Variants in NMU observed in about 807,000 individuals in gnomAD.
NMU encodes the protein neuromedin U, also known as neuromedin-U.
In NMU, 29 loss-of-function variants were observed where a neutral mutation model predicts 35.4. The ratio of observed to expected loss-of-function variants is 0.82; its 90% confidence interval spans 0.61 to 1.12. NMU has a LOEUF of 1.12. NMU is among the 50% of genes most tolerant of loss of function. The pLI, the probability that NMU is intolerant of heterozygous loss-of-function variation, is 0.00. For synonymous variants in NMU, 78 were observed against 81.3 expected (o/e 0.96, Z 0.22); for missense variants, 199 against 206.2 (o/e 0.97, Z 0.21).
At chr4:55,597,446 G>C (rs933847248) in intron 9 of NMU, among the ~76,000 whole-genome samples, 8 of 151,736 alleles carry the variant, frequency 5.3e-5, no homozygotes, top group African/African-American at 1.9e-4. Context: ...TTGGCTCACT[G>C]CAACCTCTCC....
At position 55,636,178 on chromosome 4, in the gene NMU, C is replaced by G; in HGVS notation, c.15G>C (p.Glu5Asp). Residue 5 changes from glutamate to aspartate, a missense_variant, in exon 1 of 10, where the codon GAG (glutamate) becomes GAC (aspartate). Glu to Asp is a conservative substitution (Grantham distance 45, BLOSUM62 2). Transcript: ENST00000264218. The surrounding 1 kb of genome is among the most constrained non-coding windows in gnomAD (Gnocchi z 4.0). MLRT[E>D]SCRPRSPAGQ... is the part of the protein sequence containing the mutation. Reference sequence around the variant, plus strand: ...CGGCGGGCGACCTGGGGCGGCAGCTCTCTGTTCGCAGCATCTCGGCGGCTG... The same window carrying G: ...CGGCGGGCGACCTGGGGCGGCAGCTGTCTGTTCGCAGCATCTCGGCGGCTG... 2 of 1,506,058 alleles carry G rather than the reference C, an allele frequency of 1.3e-6. No individual in the cohort carries two copies. Among genetic ancestry groups the G allele is most frequent in the Non-Finnish European group, 1.8e-6 (2 of 1,135,114 alleles). 93.3% of individuals were successfully genotyped at this position (1,506,058 alleles called of 1,614,324 possible). A position where few individuals can be genotyped will look rare whatever the true frequency, so the allele number is the denominator to read the frequency against.
intron 1 of NMU, among the ~76,000 whole-genome samples, chr4:55,632,217 G>A (rs1228621073): frequency 1.3e-5 from 2 of 152,110 alleles, no homozygotes; most frequent in African/African-American, 2.4e-5. Flanking sequence ...TACACCACTC[G>A]GATGATGGGT....
chr4:55,630,336 AT>A lies in NMU; in HGVS notation c.171+65del, dbSNP rs1230942960. 2.5e-5 allele frequency: 29 copies of A among 1,176,578 alleles called. No homozygotes were observed. In the Admixed American group the frequency reaches 3.5e-4, roughly 14 times the overall value. 72.9% of individuals were successfully genotyped at this position (1,176,578 alleles called of 1,614,324 possible). A position where few individuals can be genotyped will look rare whatever the true frequency, so the allele number is the denominator to read the frequency against. The stretch of plus-strand genomic sequence containing the variant: ...TAGTTCTCCCAAAGCTCAATTATAC[AT>A]TTTAACATGATAATTTCAAAGAAGG... On this transcript the variant is annotated intron_variant, in intron 2 of 9. Transcript: ENST00000264218.
At chr4:55,618,341 G>GT (rs1734191903) in intron 2 of NMU, among the ~76,000 whole-genome samples, 2 of 152,150 alleles carry the variant, frequency 1.3e-5, no homozygotes, top group Admixed American at 1.3e-4. Context: ...CATGCATTAG[G>GT]TATTTGTCTT....
chr4:55,609,755 C>T (rs780158091), intron 3 of NMU, among the ~76,000 whole-genome samples: 6 of 152,164 alleles, frequency 3.9e-5, no homozygotes, highest in Non-Finnish European at 7.3e-5. Context: ...AGAAGTAGGG[C>T]AGGGCTCTGT....
At chr4:55,630,768 CAG>C (rs1734722101) in intron 1 of NMU, among the ~76,000 whole-genome samples, 1 of 152,062 alleles carries the variant, frequency 6.6e-6, no homozygotes, top group Admixed American at 6.5e-5. Context: ...AAGCAATCTA[CAG>C]ATTCAATGCA....
At chr4:55,615,592 G>T (rs890298686) in intron 3 of NMU, among the ~76,000 whole-genome samples, 1 of 152,158 alleles carries the variant, frequency 6.6e-6, no homozygotes, top group Non-Finnish European at 1.5e-5. Flanking sequence ...TAGGATATTT[G>T]TCCCCAAATA....
chr4:55,627,422 G>A (rs1419044776), intron 2 of NMU, among the ~76,000 whole-genome samples: 1 of 151,056 alleles, frequency 6.6e-6, no homozygotes, highest in Non-Finnish European at 1.5e-5. Flanking sequence ...AAATGAAATT[G>A]TTTGGGATTG....
At chr4:55,632,388 C>G (rs1381823234) in intron 1 of NMU, among the ~76,000 whole-genome samples, 3 of 152,040 alleles carry the variant, frequency 2.0e-5, no homozygotes, top group Non-Finnish European at 4.4e-5. Context: ...TGACAGTAAT[C>G]AACTACATTT....
In NMU at chr4:55,616,377, A is replaced by G. The variant is rs765407000; in HGVS notation, c.180T>C (p.Asp60=). Residue 60 remains aspartate, a synonymous_variant, in exon 3 of 10, where the codon GAT becomes GAC. Coordinates refer to ENST00000264218, the MANE Select transcript of NMU (RefSeq NM_006681.4). ...QQLQLWNEID[D]TCSSFLSIDS... is the part of the protein sequence containing the mutation. ...CAATGGACAGAAAAGACGAACAAGT[A>G]TCATCTATCTGTAGAAAACAAAAAT... 3 of 1,611,414 alleles carry G rather than the reference A, an allele frequency of 1.9e-6. No homozygotes were observed. The African/African-American group carries it at 4.0e-5, about 22-fold the overall frequency.
chr4:55,603,116 GC>G (rs1163075595), intron 7 of NMU, among the ~76,000 whole-genome samples: 1 of 152,060 alleles, frequency 6.6e-6, no homozygotes, highest in Non-Finnish European at 1.5e-5. Flanking sequence ...TCCTGCCTCA[GC>G]CTGCCAAATA....
rs755203914 is a variant in NMU at position 55,595,563 on chromosome 4, T to TATATAC, written c.*5-153_*5-152insGTATAT. 2.7e-3 allele frequency among the ~76,000 whole-genome samples: 323 copies of TATATAC among 120,028 alleles called. 3 individuals carry two copies. Among genetic ancestry groups the TATATAC allele is most frequent in the African/African-American group, 9.3e-3 (305 of 32,942 alleles). The allele number at this position is 120,028 out of a possible 152,430, so 78.7% of individuals were successfully genotyped here. On this transcript the variant is annotated intron_variant, in intron 9 of 9. Transcript: ENST00000264218. ...AGCTGTATATATATATATATATATA[T>TATATAC]ACACACACACACACACACACATGCA...
chr4:55,628,584 C>T lies in NMU; in HGVS notation c.171+1818G>A, dbSNP rs369283469. On this transcript the variant is annotated intron_variant, in intron 2 of 9. Coordinates refer to ENST00000264218, the MANE Select transcript of NMU (RefSeq NM_006681.4). The stretch of plus-strand genomic sequence containing the variant: ...TGCCATCTCGGCTCACTGCAACCTC[C>T]GCTTCCCAGGCTCAAGTGATTCTCT... 1.4e-3 allele frequency among the ~76,000 whole-genome samples: 210 copies of T among 152,150 alleles called. 1 individual carries two copies. Among genetic ancestry groups the T allele is most frequent in the Non-Finnish European group, 2.0e-3 (135 of 68,020 alleles).
At chr4:55,629,442 A>G (rs532268407) in intron 2 of NMU, among the ~76,000 whole-genome samples, 47 of 148,480 alleles carry the variant, frequency 3.2e-4, no homozygotes, top group Admixed American at 1.5e-3. Flanking sequence ...AACATGGTGA[A>G]ACCCCGTCTC....
chr4:55,605,552 A>G (rs1018121028), intron 6 of NMU, among the ~76,000 whole-genome samples: 1 of 152,250 alleles, frequency 6.6e-6, no homozygotes, highest in African/African-American at 2.4e-5. Flanking sequence ...AAAATTTGGT[A>G]GCTCTACGCT....
chr4:55,625,566 G>A (rs959610543), intron 2 of NMU, among the ~76,000 whole-genome samples: 10 of 151,806 alleles, frequency 6.6e-5, no homozygotes, highest in East Asian at 1.9e-4. Context: ...ATTTTGTTGC[G>A]GGTGACCTAG....
chr4:55,598,072 T>C (rs1434328182), intron 9 of NMU, among the ~76,000 whole-genome samples: 1 of 148,886 alleles, frequency 6.7e-6, no homozygotes, highest in Non-Finnish European at 1.5e-5. Context: ...TACTTTGTTG[T>C]TGTTGTTTTG....
At chr4:55,633,690 A>G (rs1312483023) in intron 1 of NMU, among the ~76,000 whole-genome samples, 4 of 152,370 alleles carry the variant, frequency 2.6e-5, no homozygotes, top group East Asian at 3.9e-4. Context: ...AGACCTGATT[A>G]TTCTAAAAGT....
intron 7 of NMU, among the ~76,000 whole-genome samples, chr4:55,600,945 T>C (rs1733401635): frequency 6.6e-6 from 1 of 152,138 alleles, no homozygotes; most frequent in Non-Finnish European, 1.5e-5. Context: ...AAAATACATA[T>C]TGCATGTGTT....
Sources: allele counts gnomAD v4.1 joint callset (sites outside exome capture counted in the v4.1 genomes callset), GRCh38; gene constraint gnomAD v4.1.1; non-coding constraint Gnocchi (gnomAD v3.1); transcripts MANE v1.5; gene names NCBI Gene and HGNC (gene_info 2026-07-23, HGNC 2026-07-21).